PLAC8: variants seen among roughly 807,000 people sequenced by gnomAD.
PLAC8 encodes placenta-specific gene 8 protein.
Under a neutral mutation model 12.6 loss-of-function variants are expected in PLAC8, and 6 were observed. The observed-to-expected ratio is 0.48, with a 90% confidence interval of 0.26 to 0.94. PLAC8 has a LOEUF of 0.94. PLAC8 is among the 40% of genes least tolerant of loss of function. PLAC8 has a pLI of 0.14. For missense variants in PLAC8, 122 were observed against 152.7 expected, an observed-to-expected ratio of 0.80 and a Z score of 1.06; for synonymous variants, 54 against 52.6, an observed-to-expected ratio of 1.03 and a Z score of -0.11.
At chr4:83,108,262 T>A (rs907008144) in intron 1 of PLAC8, among the ~76,000 whole-genome samples, 1 of 151,518 alleles carries the variant, frequency 6.6e-6, no homozygotes, top group Non-Finnish European at 1.5e-5. Flanking sequence ...ATCTCCACCC[T>A]TCACAAGATA....
At chr4:83,100,219 T>C (rs1280449337) in intron 3 of PLAC8, among the ~76,000 whole-genome samples, 1 of 149,230 alleles carries the variant, frequency 6.7e-6, no homozygotes, top group South Asian at 2.1e-4. Flanking sequence ...AGGTGGAGCT[T>C]GCAGTGAGCC....
At chr4:83,097,750 AAC>A (rs1451496893) in intron 3 of PLAC8, among the ~76,000 whole-genome samples, 1 of 152,228 alleles carries the variant, frequency 6.6e-6, no homozygotes, top group Non-Finnish European at 1.5e-5. Context: ...CCACTGGAGA[AAC>A]AGTTTTACAT....
chr4:83,098,451 C>T (rs1263791462), intron 3 of PLAC8, among the ~76,000 whole-genome samples: 1 of 152,138 alleles, frequency 6.6e-6, no homozygotes, highest in Non-Finnish European at 1.5e-5. Flanking sequence ...TTATGAAAAT[C>T]TTACCTTATG....
intron 1 of PLAC8, among the ~76,000 whole-genome samples, chr4:83,109,168 T>C (rs1311037221): frequency 1.3e-5 from 2 of 152,218 alleles, no homozygotes; most frequent in Non-Finnish European, 2.9e-5. Context: ...AATGTCCACT[T>C]GTTAAACTGT....
At chr4:83,099,566 C>T (rs1398237478) in intron 3 of PLAC8, among the ~76,000 whole-genome samples, 3 of 152,130 alleles carry the variant, frequency 2.0e-5, no homozygotes, top group Non-Finnish European at 4.4e-5. Context: ...TTGTCCCCAC[C>T]CAAATCTCAC....
intron 3 of PLAC8, among the ~76,000 whole-genome samples, chr4:83,096,406 C>CAA (rs11352744): frequency 9.1e-4 from 138 of 151,750 alleles, no homozygotes; most frequent in African/African-American, 3.1e-3. Flanking sequence ...TTGTGAATTA[C>CAA]AAAAAAAAAA....
chr4:83,112,200 ATATGTATATATATATATG>A (rs1367378581), intron 1 of PLAC8, among the ~76,000 whole-genome samples: 23 of 19,236 alleles, frequency 1.2e-3, no homozygotes, highest in African/African-American at 3.3e-3. Context: ...ATATATATAT[ATATGTATATATATATATG>A]TATATATATA....
At chr4:83,092,644 C>G (rs11737484) in intron 4 of PLAC8, among the ~76,000 whole-genome samples, 1 of 152,042 alleles carries the variant, frequency 6.6e-6, no homozygotes, top group African/African-American at 2.4e-5. Context: ...ACATCGCATG[C>G]TAAGGCCTTT....
In PLAC8 at chr4:83,094,766, G is replaced by A; in HGVS notation, c.269C>T (p.Ala90Val). ...AGTACAATGAGGACAGCAAAGAGTT[G>A]CCATATAGTCATCACAAATAGATCC... ...IPGSICDDYM[A>V]TLCCPHCTLC... Residue 90 changes from alanine (A) to valine (V), a missense_variant, in exon 4 of 5, where the codon GCA becomes GTA. Coordinates refer to ENST00000311507, the MANE Select transcript of PLAC8 (RefSeq NM_016619.3). The A allele has an allele frequency of 6.3e-7, 1 of 1,593,366 alleles. No individual in the cohort carries two copies.
intron 1 of PLAC8, among the ~76,000 whole-genome samples, 188 bp from the exon 2 acceptor site, chr4:83,108,138 A>AATATATAT (rs372538727): frequency 2.7e-5 from 4 of 149,496 alleles, no homozygotes; most frequent in African/African-American, 9.8e-5. Flanking sequence ...AGTATAATAA[A>AATATATAT]ATATATATAT....
rs1201778251 is a variant in PLAC8, at chr4:83,090,511, G to A, written c.*470C>T. On this transcript the variant is annotated 3_prime_UTR_variant, in exon 5 of 5. Transcript: ENST00000311507. Reference sequence around the variant, plus strand: ...CCACTGCACTCCAGCCTGGGCAACAGAGCGAGACTCTATCTCAAAAAAAAA... The same window carrying A: ...CCACTGCACTCCAGCCTGGGCAACAAAGCGAGACTCTATCTCAAAAAAAAA... 2 of 111,260 alleles carry A rather than the reference G, an allele frequency of 1.8e-5. No homozygotes were observed. The highest frequency in any genetic ancestry group is 1.3e-4 in the Admixed American group (1 of 7,836). The allele number at this position is 111,260 out of a possible 1,614,324, so 6.9% of individuals were successfully genotyped here. A position where few individuals can be genotyped will look rare whatever the true frequency, so the allele number is the denominator to read the frequency against.
intron 2 of PLAC8, among the ~76,000 whole-genome samples, chr4:83,107,155 G>A (rs1052205751): frequency 6.6e-6 from 1 of 150,684 alleles, no homozygotes; most frequent in Admixed American, 6.6e-5. Flanking sequence ...AGTGGAGATC[G>A]TGCCATTGCA....
intron 3 of PLAC8, among the ~76,000 whole-genome samples, chr4:83,097,811 A>G (rs893300681): frequency 6.6e-6 from 1 of 151,434 alleles, no homozygotes; most frequent in African/African-American, 2.4e-5. Flanking sequence ...AAGAAGGCAT[A>G]GGAATATGGC....
At chr4:83,093,032 A>C (rs1285516696) in intron 4 of PLAC8, 1 of 152,006 alleles carries the variant, frequency 6.6e-6, no homozygotes, top group Non-Finnish European at 1.5e-5. Context: ...CCTGGGTTCA[A>C]GCAGTCCTCT....
At chr4:83,113,927 C>G (rs1255368790) in intron 1 of PLAC8, among the ~76,000 whole-genome samples, 1 of 151,352 alleles carries the variant, frequency 6.6e-6, no homozygotes, top group Non-Finnish European at 1.5e-5. Flanking sequence ...GGACAGCCCA[C>G]TATCTTAATA....
intron 1 of PLAC8, among the ~76,000 whole-genome samples, chr4:83,109,152 C>T (rs1323430543): frequency 6.6e-6 from 1 of 152,146 alleles, no homozygotes; most frequent in Non-Finnish European, 1.5e-5. Flanking sequence ...TTTAACTAGC[C>T]GTTTAAATGT....
At chr4:83,113,364 G>T (rs1232037480) in intron 1 of PLAC8, among the ~76,000 whole-genome samples, 1 of 152,220 alleles carries the variant, frequency 6.6e-6, no homozygotes, top group East Asian at 1.9e-4. Context: ...GTGCGGGCCT[G>T]TGCAGTATCC....
chr4:83,107,859 G>A lies in PLAC8; in HGVS notation c.63C>T (p.Pro21=). 1.2e-6 allele frequency: 2 copies of A among 1,608,250 alleles called. No individual in the cohort carries two copies. Among genetic ancestry groups the A allele is most frequent in the Non-Finnish European group, 1.7e-6 (2 of 1,176,792 alleles). ...TQPGVGPGPA[P]QNSNWQTGMC... ...TGCCTGTCTGCCAGTTGGAGTTCTGGGGGGCCGGACCGGGACCGACTCCAG... is the reference window on the plus strand; with the variant it reads ...TGCCTGTCTGCCAGTTGGAGTTCTGAGGGGCCGGACCGGGACCGACTCCAG... Residue 21 remains proline, a synonymous_variant, in exon 2 of 5, where the codon CCC becomes CCT. Transcript: ENST00000311507.
intron 3 of PLAC8, among the ~76,000 whole-genome samples, chr4:83,102,943 G>A (rs1213816560): frequency 2.0e-5 from 3 of 151,674 alleles, no homozygotes; most frequent in East Asian, 3.9e-4. Flanking sequence ...AAAATTAGCC[G>A]GGCGTAGTGG....
Sources: allele counts gnomAD v4.1 joint callset (sites outside exome capture counted in the v4.1 genomes callset), GRCh38; gene constraint gnomAD v4.1.1; transcripts MANE v1.5; gene names NCBI Gene and HGNC (gene_info 2026-07-23, HGNC 2026-07-21).